PLAC1: variants seen among roughly 807,000 people sequenced by gnomAD.
PLAC1 encodes placenta-specific protein 1.
For synonymous variants in PLAC1, 68 were observed against 62.1 expected (o/e 1.09, Z -0.44); for missense variants, 136 against 163.2 (o/e 0.83, Z 0.91).
chrX:134,690,937 G>A (rs1237449426), intron 2 of PLAC1, among the ~76,000 whole-genome samples: 4 of 34,997 alleles, frequency 1.1e-4, no homozygotes, highest in Non-Finnish European at 1.7e-4. Context: ...GCAAGATTCC[G>A]TCTCAAAAAA....
chrX:134,673,801 G>A (rs1003819578), intron 2 of PLAC1, among the ~76,000 whole-genome samples: 5 of 112,040 alleles, frequency 4.5e-5, no homozygotes. Context: ...CAGAATGAGA[G>A]CCCAAAAAGC....
intron 2 of PLAC1, among the ~76,000 whole-genome samples, chrX:134,681,848 T>C (rs2078497704): frequency 8.9e-6 from 1 of 111,913 alleles, no homozygotes; most frequent in African/African-American, 3.3e-5. Context: ...AATATTCTAA[T>C]CCCAGTTTCA....
At chrX:134,675,580 G>A (rs952376092) in intron 2 of PLAC1, among the ~76,000 whole-genome samples, 2 of 110,689 alleles carry the variant, frequency 1.8e-5, no homozygotes, top group African/African-American at 3.3e-5. Flanking sequence ...CAGGAGAATC[G>A]CTTGAATCCA....
At chrX:134,650,705 G>GA (rs1426459363) in intron 1 of PLAC1, 2 of 112,943 alleles carry the variant, frequency 1.8e-5, no homozygotes, top group African/African-American at 6.5e-5. Context: ...ACTGTTTCCA[G>GA]AAAAAAGACT....
chrX:134,623,515 T>C lies in PLAC1; in HGVS notation c.-130-21393A>G, dbSNP rs1014810523. Among the ~76,000 whole-genome samples, 3 of 112,610 alleles carry C rather than the reference T, an allele frequency of 2.7e-5. No individual in the cohort carries two copies. The East Asian group carries it at 8.3e-4, about 31-fold the overall frequency. ...GTACTCTGCAGTAGTGTGATTATTA[T>C]TCGTATTTTACAGATTAGGAACCTG... On this transcript the variant is annotated intron_variant, in intron 1 of 2. Coordinates refer to ENST00000359237, the MANE Select transcript of PLAC1 (RefSeq NM_021796.4).
intron 2 of PLAC1, among the ~76,000 whole-genome samples, chrX:134,711,799 C>T (rs978775614): frequency 1.8e-5 from 2 of 110,816 alleles, no homozygotes; most frequent in South Asian, 3.8e-4. Flanking sequence ...GTCATTTTCC[C>T]TCTCTCTAAG....
chrX:134,705,488 C>T (rs1417673528), intron 2 of PLAC1, among the ~76,000 whole-genome samples: 2 of 107,333 alleles, frequency 1.9e-5, no homozygotes, highest in Non-Finnish European at 3.8e-5. Context: ...AACAAAAGTG[C>T]TGGATATATT....
intron 2 of PLAC1, among the ~76,000 whole-genome samples, chrX:134,570,128 A>ACGTC (rs1332608235): frequency 5.4e-5 from 6 of 111,858 alleles, no homozygotes; most frequent in Non-Finnish European, 1.1e-4. Flanking sequence ...GTGAGCCACC[A>ACGTC]CGTCCGGCAG....
At chrX:134,724,779 G>C (rs781758906) in intron 2 of PLAC1, among the ~76,000 whole-genome samples, 1 of 112,003 alleles carries the variant, frequency 8.9e-6, no homozygotes, top group Non-Finnish European at 1.9e-5. Flanking sequence ...AAGGTGGGGG[G>C]ATCATTTGAG....
intron 2 of PLAC1, among the ~76,000 whole-genome samples, chrX:134,575,531 A>C (rs2077933848): frequency 1.8e-5 from 2 of 109,757 alleles, no homozygotes; most frequent in Admixed American, 9.8e-5. Context: ...GCACTTTAGG[A>C]GGCCAAGGCG....
intron 1 of PLAC1, among the ~76,000 whole-genome samples, chrX:134,630,997 C>A (rs1272213380): frequency 1.8e-5 from 2 of 111,267 alleles, no homozygotes; most frequent in African/African-American, 6.5e-5. Flanking sequence ...TTGTATGAAA[C>A]GTCCAGAATA....
intron 2 of PLAC1, among the ~76,000 whole-genome samples, chrX:134,682,286 C>T (rs904836727): frequency 9.0e-6 from 1 of 111,536 alleles, no homozygotes; most frequent in Admixed American, 9.5e-5. Flanking sequence ...ATGTTCTGTG[C>T]TTCTATAATT....
intron 2 of PLAC1, among the ~76,000 whole-genome samples, chrX:134,729,840 G>A (rs147710755): frequency 0.022 from 2,422 of 110,305 alleles, 74 homozygotes; most frequent in African/African-American, 0.075. Flanking sequence ...TCCCCAGGCT[G>A]GTGTGCAATG....
chrX:134,740,106 T>G (rs184660164), intron 1 of PLAC1, among the ~76,000 whole-genome samples: 10 of 111,199 alleles, frequency 9.0e-5, no homozygotes, highest in African/African-American at 3.3e-4. Flanking sequence ...TCACCTGAGG[T>G]GGGAAATTCA....
chrX:134,615,302 T>G (rs2078174157), intron 1 of PLAC1, among the ~76,000 whole-genome samples: 1 of 112,191 alleles, frequency 8.9e-6, no homozygotes, highest in Non-Finnish European at 1.9e-5. Flanking sequence ...TCATTGTGAT[T>G]TTGATTTGCA....
At chrX:134,591,361 T>C (rs966022952) in intron 2 of PLAC1, among the ~76,000 whole-genome samples, 6 of 112,604 alleles carry the variant, frequency 5.3e-5, no homozygotes, top group African/African-American at 1.9e-4. Context: ...ACCTGGGTGC[T>C]TCTTTTGCCA....
chrX:134,663,773 T>C (rs978366914), intron 2 of PLAC1, among the ~76,000 whole-genome samples: 1 of 112,648 alleles, frequency 8.9e-6, no homozygotes, highest in African/African-American at 3.2e-5. Flanking sequence ...GACAAATTTG[T>C]TGATTTTACA....
intron 2 of PLAC1, among the ~76,000 whole-genome samples, chrX:134,699,753 A>T (rs1036484705): frequency 8.9e-6 from 1 of 112,199 alleles, no homozygotes; most frequent in Non-Finnish European, 1.9e-5. Context: ...AGCCAACGTT[A>T]TCTTTTAAAA....
intron 1 of PLAC1, among the ~76,000 whole-genome samples, chrX:134,738,292 G>A (rs751168455): frequency 3.7e-4 from 42 of 112,281 alleles, no homozygotes; most frequent in African/African-American, 1.3e-3. Flanking sequence ...ACTGGCTTCA[G>A]GGAGAAGCAC....
Sources: allele counts gnomAD v4.1 joint callset (sites outside exome capture counted in the v4.1 genomes callset), GRCh38; gene constraint gnomAD v4.1.1; transcripts MANE v1.5; gene names NCBI Gene and HGNC (gene_info 2026-07-23, HGNC 2026-07-21).